SLIT3: variants seen among roughly 807,000 people sequenced by gnomAD.
SLIT3 encodes the protein slit homolog 3 protein.
Under a neutral mutation model 184.0 loss-of-function variants are expected in SLIT3, and 68 were observed. That is an observed-to-expected ratio of 0.37 (90% CI 0.30 to 0.45). The LOEUF is 0.45. Among genes scored for constraint, SLIT3 ranks in the 20% least tolerant of loss-of-function variants. The probability of loss-of-function intolerance (pLI) is 1.00; values close to 1 mark genes in which losing one functional copy is unlikely to be tolerated. For synonymous variants in SLIT3, 831 were observed against 828.6 expected (o/e 1.00, Z -0.05); for missense variants, 1,707 against 2,026.0 (o/e 0.84, Z 3.02).
chr5:169,098,245 C>A (rs1759865497), intron 4 of SLIT3, among the ~76,000 whole-genome samples: 1 of 152,150 alleles, frequency 6.6e-6, no homozygotes, highest in African/African-American at 2.4e-5. Context: ...GACCAAGTGT[C>A]TTTCTATAAA....
intron 7 of SLIT3, among the ~76,000 whole-genome samples, chr5:168,821,286 T>C (rs888399718): frequency 3.3e-5 from 5 of 152,242 alleles, no homozygotes; most frequent in Admixed American, 6.5e-5. Flanking sequence ...CTGTTATTGC[T>C]GCTTCTAAAC....
intron 4 of SLIT3, among the ~76,000 whole-genome samples, chr5:169,167,523 A>G (rs297821): frequency 0.79 from 120,196 of 151,648 alleles, 47,905 homozygotes; most frequent in East Asian, 0.89. Flanking sequence ...TGATCCGCTT[A>G]CATCGGCCTC....
chr5:169,013,659 TA>T (rs1756249461), intron 4 of SLIT3, among the ~76,000 whole-genome samples: 1 of 152,140 alleles, frequency 6.6e-6, no homozygotes, highest in South Asian at 2.1e-4. Context: ...CATGTGGAAT[TA>T]AACCCGGGCT....
At chr5:169,226,722 T>C (rs1018568853) in intron 3 of SLIT3, among the ~76,000 whole-genome samples, 3 of 152,166 alleles carry the variant, frequency 2.0e-5, no homozygotes, top group African/African-American at 7.2e-5. Flanking sequence ...TACCCCATAT[T>C]ATCCTCAGTC....
intron 4 of SLIT3, among the ~76,000 whole-genome samples, chr5:169,072,187 G>A (rs185802306): frequency 5.3e-5 from 8 of 152,266 alleles, no homozygotes; most frequent in Admixed American, 2.6e-4. Flanking sequence ...TGGTGGTAGT[G>A]TCCATGCATG....
intron 12 of SLIT3, among the ~76,000 whole-genome samples, chr5:168,774,981 CAACCTCATCCT>C (rs1755692902): frequency 6.6e-6 from 1 of 151,810 alleles, no homozygotes; most frequent in Non-Finnish European, 1.5e-5. Flanking sequence ...GCCCTTTCGC[CAACCTCATCCT>C]AACCCCACTC....
chr5:168,789,502 T>G, intron 11 of SLIT3, 58 bp downstream of exon 11: 19 of 1,347,280 alleles, frequency 1.4e-5, no homozygotes, highest in Non-Finnish European at 1.8e-5. Flanking sequence ...GTTGCGTCTC[T>G]CTTCCCTCCA....
intron 3 of SLIT3, among the ~76,000 whole-genome samples, chr5:169,194,393 A>G (rs1419032407): frequency 6.6e-6 from 1 of 152,180 alleles, no homozygotes; most frequent in East Asian, 1.9e-4. Context: ...ACTGAGGAAC[A>G]AAATGGAATT....
rs1758354344 is a variant in SLIT3, at chr5:168,843,888, GA to G, written c.557+695del. ...GACTCATTTGAAAATCCAGAGCTCA[GA>G]AAGGCAGCTACACATTCTTTCTAGA... On this transcript the variant is annotated intron_variant, in intron 6 of 35. Transcript: ENST00000519560. Among the ~76,000 whole-genome samples, 2 of 152,172 alleles carry G rather than the reference GA, an allele frequency of 1.3e-5. 1 individual carries two copies. The highest frequency in any genetic ancestry group is 4.1e-4 in the South Asian group (2 of 4,824).
At chr5:168,819,773 C>A (rs1157385853) in intron 7 of SLIT3, among the ~76,000 whole-genome samples, 2 of 152,218 alleles carry the variant, frequency 1.3e-5, no homozygotes, top group Non-Finnish European at 2.9e-5. Flanking sequence ...TCAATCCTGG[C>A]TGGCTGGCCC....
At chr5:168,991,004 T>C (rs1372690715) in intron 4 of SLIT3, among the ~76,000 whole-genome samples, 1 of 152,164 alleles carries the variant, frequency 6.6e-6, no homozygotes, top group East Asian at 1.9e-4. Flanking sequence ...ATGGTCATCT[T>C]CATTCTGTGA....
At chr5:169,172,216 C>T (rs1762841550) in intron 4 of SLIT3, among the ~76,000 whole-genome samples, 1 of 152,170 alleles carries the variant, frequency 6.6e-6, no homozygotes, top group East Asian at 1.9e-4. Flanking sequence ...CCTGCATTGA[C>T]AAATCTTTGG....
intron 4 of SLIT3, among the ~76,000 whole-genome samples, chr5:168,900,258 C>T (rs1051822154): frequency 2.0e-5 from 3 of 152,106 alleles, no homozygotes; most frequent in African/African-American, 7.2e-5. Context: ...AATAGAACTA[C>T]CCATTCAATC....
Position 169,254,224 on chromosome 5 carries a change from C to T in SLIT3, c.198-2765G>A, listed in dbSNP as rs566287181. Among the ~76,000 whole-genome samples, 27 of 152,288 alleles carry T rather than the reference C, an allele frequency of 1.8e-4. No homozygotes were observed. The South Asian group carries it at 2.5e-3, about 14-fold the overall frequency. On this transcript the variant is annotated intron_variant, in intron 1 of 35. Transcript: ENST00000519560. ...CACAAAGCTGGGGATTCAACACACG[C>T]GGTTAGAAATGGGAATGGATTACAC... is the stretch of plus-strand genomic sequence containing the variant.
chr5:168,774,261 G>A lies in SLIT3; in HGVS notation c.1269C>T (p.Phe423=), dbSNP rs148958775. The change falls in exon 13 of 36, where the codon TTC becomes TTT. Residue 423 remains phenylalanine (F), a synonymous_variant. Coordinates refer to ENST00000519560, the MANE Select transcript of SLIT3 (RefSeq NM_003062.4). ...NKLQTISKGL[F]APLQSIQTLH... ...GTGTCTGGATGGACTGCAGAGGGGC[G>A]AAGAGCCCCTTGCTGATGGTCTGCA... 1.2e-4 allele frequency: 196 copies of A among 1,613,640 alleles called. 1 individual carries two copies. The East Asian group carries it at 3.4e-3, about 28-fold the overall frequency.
At chr5:169,102,106 G>A (rs1760042595) in intron 4 of SLIT3, among the ~76,000 whole-genome samples, 1 of 152,200 alleles carries the variant, frequency 6.6e-6, no homozygotes, top group Non-Finnish European at 1.5e-5. Flanking sequence ...AATGAATCCT[G>A]TATTCTGGAG....
rs1239577669 is a variant in SLIT3, at chr5:168,715,208, TTTTTGGTTTCTCAGATA to T, written c.2484-2871_2484-2855del. On this transcript the variant is annotated intron_variant, in intron 23 of 35. Transcript: ENST00000519560. ...ACAATTGACTTTTGGTTTCTCAGAT[TTTTTGGTTTCTCAGATA>T]TTTTGGTTTCTCAGATATTTTCATC... 2.4e-4 allele frequency among the ~76,000 whole-genome samples: 37 copies of T among 152,298 alleles called. No homozygotes were observed. The East Asian group carries it at 6.0e-3, about 25-fold the overall frequency.
chr5:169,008,382 G>T (rs768965446), intron 4 of SLIT3, among the ~76,000 whole-genome samples: 1 of 152,184 alleles, frequency 6.6e-6, no homozygotes, highest in Non-Finnish European at 1.5e-5. Context: ...GCCATGACGG[G>T]CCTGACTTCC....
chr5:168,877,530 G>T (rs1759777611), intron 5 of SLIT3, among the ~76,000 whole-genome samples: 1 of 152,150 alleles, frequency 6.6e-6, no homozygotes, highest in Non-Finnish European at 1.5e-5. Context: ...AGACAGAGAT[G>T]CTACCAACGA....
Sources: allele counts gnomAD v4.1 joint callset (sites outside exome capture counted in the v4.1 genomes callset), GRCh38; gene constraint gnomAD v4.1.1; transcripts MANE v1.5; gene names NCBI Gene and HGNC (gene_info 2026-07-23, HGNC 2026-07-21).